CCM2: variants seen among roughly 807,000 people sequenced by gnomAD.
CCM2 encodes the protein CCM2 scaffold protein.
In CCM2, 25 loss-of-function variants were observed where a neutral mutation model predicts 44.9. That is an observed-to-expected ratio of 0.56 (90% CI 0.41 to 0.78). CCM2 has a LOEUF of 0.78. CCM2 is among the 30% of genes least tolerant of loss of function. The pLI, the probability that CCM2 is intolerant of heterozygous loss-of-function variation, is 0.00. For synonymous variants in CCM2, 219 were observed against 241.1 expected (o/e 0.91, Z 0.85); for missense variants, 481 against 580.6 (o/e 0.83, Z 1.76).
intron 1 of CCM2, among the ~76,000 whole-genome samples, chr7:45,009,536 C>T (rs915447219): frequency 6.6e-6 from 1 of 151,220 alleles, no homozygotes; most frequent in African/African-American, 2.4e-5. Context: ...TCCCCAGCAG[C>T]TGGGATTACA....
chr7:45,015,960 C>G (rs1320644487), intron 1 of CCM2, among the ~76,000 whole-genome samples: 1 of 152,216 alleles, frequency 6.6e-6, no homozygotes, highest in East Asian at 1.9e-4. Flanking sequence ...GAAAATTTAT[C>G]TTTTCTGTTT....
At chr7:45,014,985 C>T (rs947280493) in intron 1 of CCM2, among the ~76,000 whole-genome samples, 3 of 152,140 alleles carry the variant, frequency 2.0e-5, no homozygotes, top group African/African-American at 7.2e-5. Flanking sequence ...GTGCATCTGG[C>T]ATCTTTTTGA....
chr7:45,006,344 T>TA (rs397722190), intron 1 of CCM2, among the ~76,000 whole-genome samples: 1 of 150,416 alleles, frequency 6.6e-6, no homozygotes, highest in Non-Finnish European at 1.5e-5. Context: ...TTTTTTTTTT[T>TA]ATTTGTTTTT....
chr7:45,006,824 T>C (rs1489780617), intron 1 of CCM2, among the ~76,000 whole-genome samples: 1 of 152,214 alleles, frequency 6.6e-6, no homozygotes, highest in Non-Finnish European at 1.5e-5. Context: ...GAAACCACCC[T>C]GCTAAATTTA....
chr7:45,064,627 C>T lies in CCM2; in HGVS notation c.453C>T (p.His151=). 1 of 1,613,904 alleles carries T rather than the reference C, an allele frequency of 6.2e-7. No individual in the cohort carries two copies. The highest frequency in any genetic ancestry group is 8.5e-7 in the Non-Finnish European group (1 of 1,180,036). ...AVSYVRDDAA[H]LVVLKTAQDP... is the part of the protein sequence containing the mutation. ...CCTATGTTCGGGATGACGCTGCACA[C>T]CTGGTGGTCCTGAAGACAGGTACAG... The change falls in exon 4 of 10, where the codon CAC becomes CAT. Residue 151 remains histidine (H), a synonymous_variant. Transcript: ENST00000258781.
chr7:45,016,146 G>A (rs1796254594), intron 1 of CCM2, among the ~76,000 whole-genome samples: 1 of 152,178 alleles, frequency 6.6e-6, no homozygotes, highest in South Asian at 2.1e-4. Context: ...AGGCTGGGAA[G>A]CGTAGCCTTT....
At chr7:45,028,778 C>A (rs543368722) in intron 1 of CCM2, among the ~76,000 whole-genome samples, 100 of 151,472 alleles carry the variant, frequency 6.6e-4, no homozygotes, top group African/African-American at 2.2e-3. Flanking sequence ...TTGGTAGGCA[C>A]CAAAGCACTT....
At chr7:45,038,086 C>T (rs1797312657) in intron 1 of CCM2, among the ~76,000 whole-genome samples, 167 bp from the exon 2 acceptor site, 1 of 152,226 alleles carries the variant, frequency 6.6e-6, no homozygotes. Flanking sequence ...GCTGTGGTCC[C>T]TCAGGCTTGT....
rs73694268 is a variant in CCM2 at position 45,064,558 on chromosome 7, G to A, written c.384G>A (p.Glu128=). 1.9e-3 allele frequency: 3,059 copies of A among 1,614,018 alleles called. 48 individuals are homozygous for A. The African/African-American group carries it at 0.036, about 19-fold the overall frequency. The change falls in exon 4 of 10, where the codon GAG becomes GAA. Residue 128 remains glutamate, a synonymous_variant. Transcript: ENST00000258781. ...TCAAGCTGGCCTGGAGGGACGGGGAGGATATCATCCTCAGGGTGCCCATCC... is the reference window on the plus strand; with the variant it reads ...TCAAGCTGGCCTGGAGGGACGGGGAAGATATCATCCTCAGGGTGCCCATCC... ...YNVKLAWRDG[E]DIILRVPIHD... is the part of the protein sequence containing the mutation.
chr7:45,019,712 AG>A (rs1366873486), intron 1 of CCM2, among the ~76,000 whole-genome samples: 1 of 152,128 alleles, frequency 6.6e-6, no homozygotes, highest in Admixed American at 6.6e-5. Flanking sequence ...CCTCCCAAGT[AG>A]GTAGGACTAC....
intron 2 of CCM2, among the ~76,000 whole-genome samples, chr7:45,042,874 T>A (rs1797576172): frequency 2.0e-5 from 3 of 152,128 alleles, no homozygotes. Context: ...TTTAAAGAAT[T>A]AATGTCAATT....
At chr7:45,062,160 G>T (rs550291772) in intron 2 of CCM2, among the ~76,000 whole-genome samples, 8 of 152,308 alleles carry the variant, frequency 5.3e-5, no homozygotes, top group African/African-American at 1.7e-4. Context: ...TTGTTGTGAG[G>T]ATGGGAGTGA....
At chr7:45,021,557 C>G (rs1451414306) in intron 1 of CCM2, among the ~76,000 whole-genome samples, 2 of 147,142 alleles carry the variant, frequency 1.4e-5, no homozygotes, top group Non-Finnish European at 3.0e-5. Flanking sequence ...GAGCGAGGCT[C>G]TTTCTCAAAA....
chr7:45,016,535 G>A (rs1194250317), intron 1 of CCM2, among the ~76,000 whole-genome samples: 1 of 151,258 alleles, frequency 6.6e-6, no homozygotes, highest in African/African-American at 2.4e-5. Context: ...TCATTATATT[G>A]GTCAGGCTGG....
At chr7:45,071,070 A>G (rs567845169) in intron 6 of CCM2, 1 of 152,172 alleles carries the variant, frequency 6.6e-6, no homozygotes, top group East Asian at 1.9e-4. Context: ...GCTCTCAGGC[A>G]TCCTCTCTAT....
At chr7:45,018,586 C>T (rs998414729) in intron 1 of CCM2, among the ~76,000 whole-genome samples, 3 of 152,034 alleles carry the variant, frequency 2.0e-5, no homozygotes, top group African/African-American at 4.8e-5. Context: ...GTCTTCAACT[C>T]CTGACCTCCA....
At chr7:45,032,696 C>T (rs374223385) in intron 1 of CCM2, among the ~76,000 whole-genome samples, 1 of 152,110 alleles carries the variant, frequency 6.6e-6, no homozygotes, top group African/African-American at 2.4e-5. Context: ...GAGTCAGTAC[C>T]AGCGTTTATT....
intron 1 of CCM2, among the ~76,000 whole-genome samples, chr7:45,007,687 G>A (rs1323702335): frequency 2.6e-5 from 4 of 152,108 alleles, no homozygotes; most frequent in Admixed American, 2.6e-4. Context: ...TAGGAACATG[G>A]AATTTGGGCT....
chr7:45,073,219 T>A, intron 7 of CCM2: 1 of 595,372 alleles, frequency 1.7e-6, no homozygotes, highest in Non-Finnish European at 3.0e-6. Flanking sequence ...CCTTGACCTG[T>A]GTACTCCCTC....
Sources: allele counts gnomAD v4.1 joint callset (sites outside exome capture counted in the v4.1 genomes callset), GRCh38; gene constraint gnomAD v4.1.1; transcripts MANE v1.5; gene names NCBI Gene and HGNC (gene_info 2026-07-23, HGNC 2026-07-21).